SPEF2: variants seen among roughly 807,000 people sequenced by gnomAD.
SPEF2 encodes the protein sperm flagella and cilia-associated protein 2.
In SPEF2, 187 loss-of-function variants were observed where a neutral mutation model predicts 224.6. That is an observed-to-expected ratio of 0.83 (90% CI 0.74 to 0.94). SPEF2 has a LOEUF of 0.94. Ranked by LOEUF, SPEF2 falls within the 40% of genes least tolerant of loss-of-function variation. The pLI is 0.00. For missense variants in SPEF2, 2,170 were observed against 2,135.6 expected (o/e 1.02, Z -0.32); for synonymous variants, 715 against 707.3 (o/e 1.01, Z -0.17).
At chr5:35,628,310 G>A (rs1744561656) in intron 1 of SPEF2, 150 bp from the exon 2 acceptor site, 1 of 446,568 alleles carries the variant, frequency 2.2e-6, no homozygotes, top group South Asian at 6.1e-5. Context: ...TTTTCCTTTG[G>A]TTATTAAAAG....
rs567533552 is a variant in SPEF2, at chr5:35,803,210, G to T, written c.5010+3063G>T. ...ATTGCAGGCAGGCAGAGGCAACAGC[G>T]GAGTCCAGGAGGCTGAGATGAGCAG... is the stretch of plus-strand genomic sequence containing the variant. On this transcript the variant is annotated intron_variant, in intron 34 of 36. Coordinates refer to ENST00000356031, the MANE Select transcript of SPEF2 (RefSeq NM_024867.4). Among the ~76,000 whole-genome samples, 5 of 152,298 alleles carry T rather than the reference G, an allele frequency of 3.3e-5. No individual in the cohort carries two copies. The South Asian group carries it at 6.2e-4, about 19-fold the overall frequency.
At chr5:35,812,671 A>G (rs1181026819) in intron 36 of SPEF2, among the ~76,000 whole-genome samples, 2 of 152,258 alleles carry the variant, frequency 1.3e-5, no homozygotes. Flanking sequence ...ATGTAAATCA[A>G]GCATATTACC....
At chr5:35,717,915 G>A (rs1392970917) in intron 20 of SPEF2, among the ~76,000 whole-genome samples, 2 of 152,312 alleles carry the variant, frequency 1.3e-5, no homozygotes, top group South Asian at 2.1e-4. Flanking sequence ...AGGGGGCGCT[G>A]TTTTGGGGAA....
chr5:35,664,629 G>A (rs539777194), intron 8 of SPEF2, among the ~76,000 whole-genome samples: 2 of 151,780 alleles, frequency 1.3e-5, no homozygotes, highest in Admixed American at 1.3e-4. Flanking sequence ...GTAGTGAGCC[G>A]AGATAACTCC....
intron 34 of SPEF2, among the ~76,000 whole-genome samples, chr5:35,806,105 C>T (rs1371285524): frequency 6.6e-6 from 1 of 152,138 alleles, no homozygotes. Context: ...TACATTCAGG[C>T]TTTTGATACA....
chr5:35,658,559 T>C (rs893598142), intron 7 of SPEF2, among the ~76,000 whole-genome samples: 3 of 152,108 alleles, frequency 2.0e-5, no homozygotes, highest in Non-Finnish European at 4.4e-5. Context: ...GAAAACATGC[T>C]TTTAAGTTTA....
chr5:35,729,932 G>A (rs560979636), intron 21 of SPEF2, among the ~76,000 whole-genome samples: 2 of 152,300 alleles, frequency 1.3e-5, no homozygotes, highest in South Asian at 4.1e-4. Context: ...CCCCAGCCAT[G>A]TGGAACTGTA....
chr5:35,654,786 C>T, intron 7 of SPEF2, 60 bp downstream of exon 7: 3 of 1,439,068 alleles, frequency 2.1e-6, no homozygotes, highest in Non-Finnish European at 2.8e-6. Flanking sequence ...ATGTAGTCTT[C>T]TATACACATA....
chr5:35,724,830 C>A (rs1409618777), intron 20 of SPEF2, among the ~76,000 whole-genome samples: 1 of 152,072 alleles, frequency 6.6e-6, no homozygotes, highest in Non-Finnish European at 1.5e-5. Flanking sequence ...GGCCCCAGAC[C>A]AAGTTACTAA....
chr5:35,733,932 C>A (rs1425649908), intron 21 of SPEF2, among the ~76,000 whole-genome samples: 2 of 152,124 alleles, frequency 1.3e-5, no homozygotes, highest in Non-Finnish European at 2.9e-5. Flanking sequence ...AGAAACATAT[C>A]TTTTAAGTTG....
chr5:35,753,743 T>G lies in SPEF2; in HGVS notation c.3450T>G (p.His1150Gln). The change falls in exon 24 of 37, where the codon CAT becomes CAG. Residue 1150 changes from histidine (H) to glutamine (Q), a missense_variant. Transcript: ENST00000356031. ...LQDTLGMTMN[H>Q]FFSLMQAELN... ...ACACTCTTGGAATGACAATGAACCA[T>G]TTCTTTTCCCTGATGCAGGTAAGAG... The G allele has an allele frequency of 6.2e-7, 1 of 1,614,096 alleles. No individual in the cohort carries two copies. Among genetic ancestry groups the G allele is most frequent in the Non-Finnish European group, 8.5e-7 (1 of 1,179,998 alleles).
At chr5:35,655,173 C>T (rs1025739458) in intron 7 of SPEF2, among the ~76,000 whole-genome samples, 7 of 152,096 alleles carry the variant, frequency 4.6e-5, no homozygotes, top group African/African-American at 1.2e-4. Context: ...GGTTCCTGGA[C>T]GAACAGCACC....
At chr5:35,730,277 G>A (rs1231370204) in intron 21 of SPEF2, among the ~76,000 whole-genome samples, 1 of 152,234 alleles carries the variant, frequency 6.6e-6, no homozygotes, top group African/African-American at 2.4e-5. Context: ...CAGAGAGAAC[G>A]CAGAAGGCAG....
At chr5:35,731,051 A>T (rs1401973284) in intron 21 of SPEF2, among the ~76,000 whole-genome samples, 2 of 152,194 alleles carry the variant, frequency 1.3e-5, no homozygotes, top group Non-Finnish European at 2.9e-5. Flanking sequence ...GAATACAGTC[A>T]AGGGTATGTG....
At chr5:35,732,777 G>C (rs897893138) in intron 21 of SPEF2, among the ~76,000 whole-genome samples, 2 of 152,150 alleles carry the variant, frequency 1.3e-5, no homozygotes, top group Non-Finnish European at 2.9e-5. Flanking sequence ...AACAATAGTT[G>C]CCCCTTATTT....
At chr5:35,718,389 G>C (rs1743003382) in intron 20 of SPEF2, among the ~76,000 whole-genome samples, 1 of 152,146 alleles carries the variant, frequency 6.6e-6, no homozygotes, top group South Asian at 2.1e-4. Context: ...GTCCCAGGGG[G>C]TCAGGATGCA....
At chr5:35,693,078 G>C (rs1019298595) in intron 12 of SPEF2, among the ~76,000 whole-genome samples, 1 of 151,992 alleles carries the variant, frequency 6.6e-6, no homozygotes, top group African/African-American at 2.4e-5. Context: ...GCTGGTAAGT[G>C]GGGGTGGGTG....
intron 19 of SPEF2, chr5:35,710,452 G>T (rs938254560): frequency 5.6e-6 from 3 of 537,224 alleles, no homozygotes; most frequent in Middle Eastern, 9.1e-4. Context: ...AGCTGCTTGG[G>T]AGGCTGAGGC....
chr5:35,712,876 CA>C lies in SPEF2; in HGVS notation c.2908del (p.Arg970GlufsTer16), dbSNP rs1741453981. The C allele has an allele frequency of 6.2e-7, 1 of 1,613,434 alleles. No homozygotes were observed. Among genetic ancestry groups the C allele is most frequent in the African/African-American group, 1.3e-5 (1 of 75,016 alleles). ...AAGGGAAGAAAGGTGAGACCGCACT[CA>C]AAAGAAAAGGTACAGCAGATAAAAA... is the stretch of plus-strand genomic sequence containing the variant. Reference protein sequence around the residue: ...GKGKKGETALKRKGSPKGKSS... With the variant: ...GKGKKGETALXRKGSPKGKSS... On this transcript the variant is annotated frameshift_variant, in exon 20 of 37. Coordinates refer to ENST00000356031, the MANE Select transcript of SPEF2 (RefSeq NM_024867.4). LOFTEE classifies it high-confidence loss of function.
Sources: gnomAD v4.1 joint callset for allele counts (sites outside exome capture counted in the v4.1 genomes callset) on GRCh38, gnomAD v4.1.1 for gene constraint, MANE v1.5 for transcripts, NCBI Gene and HGNC (gene_info 2026-07-23, HGNC 2026-07-21) for gene names.